SLC25A48: variants seen among roughly 807,000 people sequenced by gnomAD.
The protein encoded by SLC25A48 is solute carrier family 25 member 48, also known as CTC-321K16.1.
Under a neutral mutation model 32.2 loss-of-function variants are expected in SLC25A48, and 29 were observed. The observed-to-expected ratio is 0.90, with a 90% CI of 0.67 to 1.23. The LOEUF (loss-of-function observed/expected upper bound fraction) is 1.23, where lower values mean the gene tolerates loss of function less well. SLC25A48 is among the 50% of genes most tolerant of loss of function. SLC25A48 has a pLI of 0.00. For missense variants in SLC25A48, 399 were observed against 422.7 expected (o/e 0.94, Z 0.49); for synonymous variants, 164 against 172.3 (o/e 0.95, Z 0.38).
chr5:135,719,587 C>A (rs1214180118), intron 3 of SLC25A48, among the ~76,000 whole-genome samples: 1 of 152,164 alleles, frequency 6.6e-6, no homozygotes, highest in African/African-American at 2.4e-5. Flanking sequence ...GCCTGAAGAA[C>A]CTTCACCCAG....
intron 3 of SLC25A48, among the ~76,000 whole-genome samples, chr5:135,739,779 TC>T (rs1339079394): frequency 2.0e-5 from 3 of 148,586 alleles, no homozygotes; most frequent in Non-Finnish European, 4.6e-5. Context: ...AATGCTGACT[TC>T]TTTTTTTTTT....
At chr5:135,710,750 C>T (rs550549016) in intron 3 of SLC25A48, among the ~76,000 whole-genome samples, 10 of 152,338 alleles carry the variant, frequency 6.6e-5, no homozygotes, top group African/African-American at 2.4e-4. Context: ...AAGGCACTGG[C>T]CAAATGGCTT....
At chr5:135,604,022 T>C (rs957803765) in intron 1 of SLC25A48, among the ~76,000 whole-genome samples, 3 of 152,238 alleles carry the variant, frequency 2.0e-5, no homozygotes, top group East Asian at 3.9e-4. Context: ...CTTTGACTTA[T>C]TGAGCCCTTG....
In SLC25A48 at chr5:135,782,571, G is replaced by T. The variant is rs1262061118; in HGVS notation, c.-520-29952G>T. 1.1e-4 allele frequency among the ~76,000 whole-genome samples: 13 copies of T among 116,624 alleles called. 2 individuals are homozygous for T. The highest frequency in any genetic ancestry group is 3.4e-4 in the African/African-American group (13 of 38,394). The allele number at this position is 116,624 out of a possible 152,430, so 76.5% of individuals were successfully genotyped here. ...TACTTTTAATATGGTAGGGAGGGTG[G>T]TTAACCCACCCTGTGAGAGTGTTCC... On this transcript the variant is annotated intron_variant, in intron 3 of 10. Coordinates refer to the SLC25A48 transcript ENST00000646290.
Position 135,879,997 on chromosome 5 carries a change from G to A in SLC25A48, c.843G>A (p.Ala281=), listed in dbSNP as rs533426819. Reference sequence around the variant, plus strand: ...TTTTCAGAGGCATCACTGTGAACGCGGTGCGGGGCTTCCCCATGAGTGCGG... The same window carrying A: ...TTTTCAGAGGCATCACTGTGAACGCAGTGCGGGGCTTCCCCATGAGTGCGG... ...KVFFRGITVN[A]VRGFPMSAAM... The change falls in exon 7 of 8, where the codon GCG becomes GCA. Residue 281 remains alanine (A), a synonymous_variant. Transcript: ENST00000681962. 5.5e-5 allele frequency: 84 copies of A among 1,536,286 alleles called. No homozygotes were observed. Among genetic ancestry groups the A allele is most frequent in the Non-Finnish European group, 6.5e-5 (75 of 1,146,970 alleles).
chr5:135,803,757 T>C (rs1229041060), intron 3 of SLC25A48, among the ~76,000 whole-genome samples: 1 of 151,552 alleles, frequency 6.6e-6, no homozygotes, highest in Non-Finnish European at 1.5e-5. Flanking sequence ...GATATCGCCC[T>C]GTGTGTATAC....
chr5:135,866,705 G>A (rs1761231327), intron 4 of SLC25A48, among the ~76,000 whole-genome samples: 1 of 152,360 alleles, frequency 6.6e-6, no homozygotes, highest in East Asian at 1.9e-4. Flanking sequence ...GAGCTGCAGA[G>A]CCAGATAGCC....
rs1266734901 is a variant in SLC25A48, at chr5:135,784,574, G to A, written c.-520-27949G>A. ...ATTGCAGAAAGTGTACACCCACCACGTGATATTGTTTCTAACATCCAGAGA... is the reference window on the plus strand; with the variant it reads ...ATTGCAGAAAGTGTACACCCACCACATGATATTGTTTCTAACATCCAGAGA... On this transcript the variant is annotated intron_variant, in intron 3 of 10. Transcript: ENST00000646290. Among the ~76,000 whole-genome samples, 4 of 117,912 alleles carry A rather than the reference G, an allele frequency of 3.4e-5. 2 individuals are homozygous for A. Among genetic ancestry groups the A allele is most frequent in the Non-Finnish European group, 8.4e-5 (4 of 47,766 alleles). 77.4% of individuals were successfully genotyped at this position (117,912 alleles called of 152,430 possible).
chr5:135,601,114 A>C (rs979802499), intron 1 of SLC25A48: 2 of 152,200 alleles, frequency 1.3e-5, no homozygotes, highest in African/African-American at 4.8e-5. Flanking sequence ...CTGAAGAGTG[A>C]AGGGCTGACC....
At chr5:135,770,912 G>A (rs1756391037) in intron 3 of SLC25A48, among the ~76,000 whole-genome samples, 1 of 151,882 alleles carries the variant, frequency 6.6e-6, no homozygotes, top group Non-Finnish European at 1.5e-5. Context: ...AATATCCAGA[G>A]AAAAAGAGAA....
intron 3 of SLC25A48, among the ~76,000 whole-genome samples, chr5:135,734,493 A>G (rs1755303749): frequency 6.6e-6 from 1 of 152,062 alleles, no homozygotes; most frequent in South Asian, 2.1e-4. Flanking sequence ...CAGGCCTTTG[A>G]AAAGAAGGTA....
intron 2 of SLC25A48, 88 bp downstream of exon 2, chr5:135,842,547 C>G: frequency 7.4e-7 from 1 of 1,347,186 alleles, no homozygotes; most frequent in African/African-American, 1.4e-5. Context: ...TCTAATCTCT[C>G]AGAGAGTCTT....
chr5:135,855,918 C>T (rs987018643), intron 4 of SLC25A48, among the ~76,000 whole-genome samples: 43 of 152,280 alleles, frequency 2.8e-4, no homozygotes, highest in African/African-American at 6.5e-4. Flanking sequence ...TCTTGTTGTG[C>T]GATGTAGCAA....
At position 135,867,831 on chromosome 5, in the gene SLC25A48, T is replaced by G. The variant is rs148745337; in HGVS notation, c.422-3630T>G. 5.8e-3 allele frequency among the ~76,000 whole-genome samples: 880 copies of G among 152,302 alleles called. 11 individuals are homozygous for G. The highest frequency in any genetic ancestry group is 0.02 in the African/African-American group (847 of 41,550). On this transcript the variant is annotated intron_variant, in intron 4 of 7. Transcript: ENST00000681962. ...TTCTGCTCTGTGGACCCAATATGAA[T>G]CATCCATACCACTATTGGTAGTGCT...
At chr5:135,619,471 G>A (rs906366892) in intron 1 of SLC25A48, among the ~76,000 whole-genome samples, 4 of 152,040 alleles carry the variant, frequency 2.6e-5, no homozygotes, top group Admixed American at 6.6e-5. Flanking sequence ...TTCTTTAGCT[G>A]GGATTTCATA....
At chr5:135,658,694 T>C (rs1753314452) in intron 3 of SLC25A48, among the ~76,000 whole-genome samples, 2 of 152,188 alleles carry the variant, frequency 1.3e-5, no homozygotes, top group African/African-American at 4.8e-5. Flanking sequence ...ACATCAGGTA[T>C]TCCCATAAAT....
At chr5:135,751,638 A>G (rs1484040636) in intron 3 of SLC25A48, among the ~76,000 whole-genome samples, 1 of 152,130 alleles carries the variant, frequency 6.6e-6, no homozygotes, top group Non-Finnish European at 1.5e-5. Flanking sequence ...GTTGGAGAAC[A>G]GCCTGGGCAA....
intron 3 of SLC25A48, among the ~76,000 whole-genome samples, chr5:135,730,646 A>C (rs1316927482): frequency 6.6e-6 from 1 of 152,254 alleles, no homozygotes; most frequent in Non-Finnish European, 1.5e-5. Context: ...GAACTGGGTA[A>C]CAGGCAGAGG....
intron 3 of SLC25A48, among the ~76,000 whole-genome samples, chr5:135,690,873 G>A (rs548347469): frequency 3.3e-5 from 5 of 152,146 alleles, no homozygotes; most frequent in Non-Finnish European, 7.3e-5. Context: ...CTCTGGGAGA[G>A]ACCAAGAATT....
Sources: gnomAD v4.1 joint callset for allele counts (sites outside exome capture counted in the v4.1 genomes callset) on GRCh38, gnomAD v4.1.1 for gene constraint, MANE v1.5 for transcripts, NCBI Gene and HGNC (gene_info 2026-07-23, HGNC 2026-07-21) for gene names.